Variants in NFAT5 observed in about 807,000 individuals in gnomAD.
NFAT5 encodes the protein nuclear factor of activated T cells 5.
A neutral mutation model predicts 166.5 loss-of-function variants in NFAT5; 31 were observed. That is an observed-to-expected ratio of 0.19 (90% CI 0.14 to 0.25). The LOEUF is 0.25. Among genes scored for constraint, NFAT5 ranks in the 10% least tolerant of loss-of-function variants. NFAT5 has a pLI of 1.00. For missense variants in NFAT5, 1,449 were observed against 1,821.8 expected, an observed-to-expected ratio of 0.80 and a Z score of 3.72; for synonymous variants, 612 against 639.7, an observed-to-expected ratio of 0.96 and a Z score of 0.65.
intron 3 of NFAT5, among the ~76,000 whole-genome samples, chr16:69,641,001 C>T (rs1373599493): frequency 5.3e-5 from 8 of 150,406 alleles, no homozygotes; most frequent in African/African-American, 1.7e-4. Context: ...AAAAAAAGGC[C>T]GGGCACGGTG....
At chr16:69,585,979 T>TAAAATTTAAAATTAAAA (rs2032036531) in intron 2 of NFAT5, among the ~76,000 whole-genome samples, 1 of 152,222 alleles carries the variant, frequency 6.6e-6, no homozygotes, top group Non-Finnish European at 1.5e-5. Flanking sequence ...GCCACTGAAT[T>TAAAATTTAAAATTAAAA]GTGCACTTAA....
intron 10 of NFAT5, among the ~76,000 whole-genome samples, chr16:69,678,913 A>C (rs2036941796): frequency 6.6e-6 from 1 of 152,146 alleles, no homozygotes. Flanking sequence ...TCTGTCACTT[A>C]ATTTTTCTAT....
rs1439714256 is a variant in NFAT5 at position 69,647,683 on chromosome 16, C to A, written c.812+97C>A. 1 of 1,127,414 alleles carries A rather than the reference C, an allele frequency of 8.9e-7. No individual in the cohort carries two copies. Among genetic ancestry groups the A allele is most frequent in the Non-Finnish European group, 1.2e-6 (1 of 805,324 alleles). The allele number at this position is 1,127,414 out of a possible 1,614,324, so 69.8% of individuals were successfully genotyped here. A position where few individuals can be genotyped will look rare whatever the true frequency, so the allele number is the denominator to read the frequency against. Reference sequence around the variant, plus strand: ...TTCCTAATTGCTGAGCTCAAGTTTGCATATAAAGCAACAGTGCTAATTTTA... The same window carrying A: ...TTCCTAATTGCTGAGCTCAAGTTTGAATATAAAGCAACAGTGCTAATTTTA... On this transcript the variant is annotated intron_variant, in intron 4 of 14. Coordinates refer to ENST00000349945, the MANE Select transcript of NFAT5 (RefSeq NM_138713.4). This position sits in a 1 kb window ranked among gnomAD's most constrained non-coding sequence, Gnocchi z 4.8.
At chr16:69,590,568 ATTAAT>A (rs1286594126) in intron 2 of NFAT5, among the ~76,000 whole-genome samples, 1 of 152,238 alleles carries the variant, frequency 6.6e-6, no homozygotes, top group African/African-American at 2.4e-5. Flanking sequence ...TAAGGAGAAA[ATTAAT>A]TCTAAAGTGG....
chr16:69,583,245 G>A (rs931393761), intron 2 of NFAT5, among the ~76,000 whole-genome samples: 16 of 151,920 alleles, frequency 1.1e-4, no homozygotes, highest in African/African-American at 3.1e-4. Flanking sequence ...CACCCTGGCT[G>A]CTGGAGTGCA....
chr16:69,616,388 T>G (rs1442472847), intron 2 of NFAT5, among the ~76,000 whole-genome samples: 1 of 152,098 alleles, frequency 6.6e-6, no homozygotes, highest in Non-Finnish European at 1.5e-5. Flanking sequence ...CTCTGTTGGT[T>G]GCCCCTTGCA....
At chr16:69,580,566 C>A (rs909499071) in intron 2 of NFAT5, among the ~76,000 whole-genome samples, 1 of 151,668 alleles carries the variant, frequency 6.6e-6, no homozygotes, top group South Asian at 2.1e-4. Context: ...CACTGTGTTG[C>A]GCAGGGTTTA....
At chr16:69,694,650 A>G (rs1161468721) in intron 13 of NFAT5, among the ~76,000 whole-genome samples, 1 of 152,236 alleles carries the variant, frequency 6.6e-6, no homozygotes, top group African/African-American at 2.4e-5. Context: ...ATGGGTCTCA[A>G]TTCTCTCATT....
At chr16:69,628,954 A>T (rs2034588597) in intron 3 of NFAT5, among the ~76,000 whole-genome samples, 1 of 152,180 alleles carries the variant, frequency 6.6e-6, no homozygotes, top group Non-Finnish European at 1.5e-5. Flanking sequence ...GGCGCCTGTA[A>T]TCCCAGCTAC....
In NFAT5 at chr16:69,596,782, ATAAT is replaced by A. The variant is rs1401920366; in HGVS notation, c.127+28236_127+28239del. ...TTTTTTTTCTCTAACTGCAACCAAG[ATAAT>A]TTATTTACTGAGTATTTTCAGCTAT... On this transcript the variant is annotated intron_variant, in intron 2 of 14. Coordinates refer to ENST00000349945, the MANE Select transcript of NFAT5 (RefSeq NM_138713.4). Among the ~76,000 whole-genome samples the A allele has an allele frequency of 2.6e-5, 4 of 152,022 alleles. No individual in the cohort carries two copies. The East Asian group carries it at 7.7e-4, about 29-fold the overall frequency.
chr16:69,658,740 T>C (rs2035998262), intron 6 of NFAT5, among the ~76,000 whole-genome samples: 1 of 152,010 alleles, frequency 6.6e-6, no homozygotes, highest in African/African-American at 2.4e-5. Context: ...GGCATGAGAA[T>C]TACCTGAACC....
At chr16:69,631,787 G>A (rs1404621245) in intron 3 of NFAT5, among the ~76,000 whole-genome samples, 2 of 151,856 alleles carry the variant, frequency 1.3e-5, no homozygotes, top group Non-Finnish European at 2.9e-5. Flanking sequence ...CACCACACCC[G>A]GCTAACTTCA....
chr16:69,592,620 T>C (rs2151528017), intron 2 of NFAT5, among the ~76,000 whole-genome samples: 1 of 152,330 alleles, frequency 6.6e-6, no homozygotes, highest in South Asian at 2.1e-4. Flanking sequence ...TGTTTCTAAC[T>C]TAAATTTTTA....
At chr16:69,653,575 ATTTT>A (rs61344735) in intron 5 of NFAT5, 147 bp downstream of exon 5, 279 of 354,644 alleles carry the variant, frequency 7.9e-4, no homozygotes, top group Middle Eastern at 1.6e-3. Context: ...TTTAGAAAGA[ATTTT>A]TTTTTTTTTT....
chr16:69,570,763 T>C (rs2016381930), intron 2 of NFAT5, among the ~76,000 whole-genome samples: 1 of 152,182 alleles, frequency 6.6e-6, no homozygotes, highest in African/African-American at 2.4e-5. Context: ...GTTGAAATTG[T>C]AGGCCATGCT....
intron 7 of NFAT5, among the ~76,000 whole-genome samples, chr16:69,661,150 A>G (rs2036116398): frequency 1.4e-5 from 2 of 145,990 alleles, no homozygotes; most frequent in African/African-American, 5.1e-5. Flanking sequence ...AGGCCAAGGC[A>G]GGAGGACAGG....
intron 2 of NFAT5, among the ~76,000 whole-genome samples, chr16:69,621,348 A>G (rs1392063307): frequency 6.6e-6 from 1 of 152,204 alleles, no homozygotes; most frequent in African/African-American, 2.4e-5. Flanking sequence ...ATGTAAATAC[A>G]GAGTTGTGTA....
At chr16:69,607,296 A>G (rs556098759) in intron 2 of NFAT5, among the ~76,000 whole-genome samples, 31 of 152,368 alleles carry the variant, frequency 2.0e-4, no homozygotes, top group Middle Eastern at 3.4e-3. Context: ...CAATATTGGT[A>G]TACTGACACA....
chr16:69,682,930 G>A (rs1313324941), intron 10 of NFAT5, among the ~76,000 whole-genome samples: 1 of 152,086 alleles, frequency 6.6e-6, no homozygotes, highest in Non-Finnish European at 1.5e-5. Context: ...AATAGAAATT[G>A]GCTGGGCGTG....
Sources: gnomAD v4.1 joint callset for allele counts (sites outside exome capture counted in the v4.1 genomes callset) on GRCh38, gnomAD v4.1.1 for gene constraint, Gnocchi (gnomAD v3.1) non-coding constraint, MANE v1.5 for transcripts, NCBI Gene and HGNC (gene_info 2026-07-23, HGNC 2026-07-21) for gene names.